PCNT: variants seen among roughly 807,000 people sequenced by gnomAD.
PCNT encodes the protein kendrin.
Under a neutral mutation model 380.4 loss-of-function variants are expected in PCNT, and 319 were observed. That is an observed-to-expected ratio of 0.84 (90% CI 0.77 to 0.92). PCNT has a LOEUF of 0.92. Among genes scored for constraint, PCNT ranks in the 40% least tolerant of loss-of-function variants. The probability of loss-of-function intolerance (pLI) is 0.00; values close to 1 mark genes in which losing one functional copy is unlikely to be tolerated. For missense variants in PCNT, 4,400 were observed against 4,255.3 expected, an observed-to-expected ratio of 1.03 and a Z score of -0.95; for synonymous variants, 1,845 against 1,735.2, an observed-to-expected ratio of 1.06 and a Z score of -1.57.
intron 7 of PCNT, among the ~76,000 whole-genome samples, 171 bp from the exon 8 acceptor site, chr21:46,349,513 A>G (rs2084191609): frequency 6.6e-6 from 1 of 152,144 alleles, no homozygotes; most frequent in South Asian, 2.1e-4. Flanking sequence ...TGGCATGGGT[A>G]GGCGATGTCC....
rs758845841 is a variant in PCNT, at chr21:46,326,555, C to A, written c.233C>A (p.Thr78Asn). 2.3e-5 allele frequency: 37 copies of A among 1,614,098 alleles called. No homozygotes were observed. The Middle Eastern group carries it at 1.2e-3, about 50-fold the overall frequency. ...DICKSTSCDD[T>N]PDGAGGAFAA... ...TGCAAAAGCACATCATGTGACGACA[C>A]CCCTGATGGGGCAGGAGGGGCCTTT... The change falls in exon 2 of 47, where the codon ACC (threonine) becomes AAC (asparagine). Residue 78 changes from threonine to asparagine, a missense_variant. Physicochemically the swap from Thr to Asn is moderately conservative, Grantham distance 65. Transcript: ENST00000359568.
intron 46 of PCNT, among the ~76,000 whole-genome samples, chr21:46,445,048 G>A (rs888845133): frequency 4.7e-5 from 7 of 148,252 alleles, no homozygotes; most frequent in Non-Finnish European, 9.1e-5. Flanking sequence ...CTTAATCACC[G>A]TCTGGACTTT....
intron 21 of PCNT, among the ~76,000 whole-genome samples, chr21:46,395,336 G>A (rs2268523): frequency 6.6e-6 from 1 of 152,122 alleles, no homozygotes; most frequent in Admixed American, 6.5e-5. Flanking sequence ...GTAGCTCACA[G>A]CTGTAATCCC....
In PCNT at chr21:46,397,278, A is replaced by AGT; in HGVS notation, c.4232_4233dup (p.Glu1412TrpfsTer4). On this transcript the variant is annotated frameshift_variant, in exon 22 of 47. Coordinates refer to ENST00000359568, the MANE Select transcript of PCNT (RefSeq NM_006031.6). LOFTEE classifies it high-confidence loss of function. ...TTGCATCCTTAGCTCTCCGGAAGGAAGTGGAGGATCTGACCAAAGAACAGT... is the reference window on the plus strand; with the variant it reads ...TTGCATCCTTAGCTCTCCGGAAGGAAGTGTGGAGGATCTGACCAAAGAACAGT... 6.2e-7 allele frequency: 1 copy of AGT among 1,613,926 alleles called. No individual in the cohort carries two copies. Among genetic ancestry groups the AGT allele is most frequent in the Non-Finnish European group, 8.5e-7 (1 of 1,179,854 alleles).
chr21:46,416,593 C>G lies in PCNT; in HGVS notation c.6675C>G (p.Ser2225Arg). 1.2e-6 allele frequency: 2 copies of G among 1,605,888 alleles called. No homozygotes were observed. The highest frequency in any genetic ancestry group is 1.7e-5 in the Admixed American group (1 of 59,530). ...PVGMLDLSSW[S>R]SPEVLRKDWT... ...GGATGCTGGACCTGTCTTCCTGGAG[C>G]TCCCCTGAGGTCCTCAGGAAGGACT... The change falls in exon 30 of 47, where the codon AGC (serine) becomes AGG (arginine). Residue 2225 changes from serine (S) to arginine (R), a missense_variant. Transcript: ENST00000359568.
intron 16 of PCNT, among the ~76,000 whole-genome samples, chr21:46,383,350 T>G (rs1282345575): frequency 7.0e-6 from 1 of 142,050 alleles, no homozygotes; most frequent in Non-Finnish European, 1.5e-5. Flanking sequence ...ACGGTGTGCA[T>G]TCAGTGGCGG....
At chr21:46,365,788 AGGGTTCTATTCACTGCCATG>A (rs1413283706) in intron 14 of PCNT, among the ~76,000 whole-genome samples, 2 of 98,482 alleles carry the variant, frequency 2.0e-5, no homozygotes, top group Non-Finnish European at 2.0e-5. Flanking sequence ...TCACTCCCAT[AGGGTTCTATTCACTGCCATG>A]GGGTTCTATT....
intron 42 of PCNT, 83 bp downstream of exon 42, chr21:46,440,285 C>T: frequency 6.8e-7 from 1 of 1,464,496 alleles, no homozygotes. Flanking sequence ...ATTTTTGTGA[C>T]CACAAGGTTC....
rs587784317 is a variant in PCNT, at chr21:46,418,200, A to T, written c.6922-4A>T. ...TTTATGACCATTTAAAAATCTCTTA[A>T]CAGGAGAAAGATGTCGAAGATTTTA... On this transcript the variant is annotated splice_region_variant and splice_polypyrimidine_tract_variant and intron_variant, in intron 30 of 46. Coordinates refer to ENST00000359568, the MANE Select transcript of PCNT (RefSeq NM_006031.6). 6.5e-7 allele frequency: 1 copy of T among 1,539,034 alleles called. No homozygotes were observed. Among genetic ancestry groups the T allele is most frequent in the Non-Finnish European group, 8.9e-7 (1 of 1,122,972 alleles).
rs772210169 is a variant in PCNT, at chr21:46,416,850, G to C, written c.6921+11G>C. 1.7e-5 allele frequency: 27 copies of C among 1,596,856 alleles called. No individual in the cohort carries two copies. In the East Asian group the frequency reaches 5.8e-4, roughly 34 times the overall value. ...CAGAGGACGGCTGTGGTAGGTGCCTGCTCTGCTCCCAGGCCTGCTGTTCCC... is the reference window on the plus strand; with the variant it reads ...CAGAGGACGGCTGTGGTAGGTGCCTCCTCTGCTCCCAGGCCTGCTGTTCCC... On this transcript the variant is annotated intron_variant, in intron 30 of 46. Transcript: ENST00000359568.
chr21:46,383,503 A>G (rs1440689053), intron 16 of PCNT, among the ~76,000 whole-genome samples: 1 of 143,086 alleles, frequency 7.0e-6, no homozygotes, highest in Non-Finnish European at 1.5e-5. Context: ...GCGGAAGCGC[A>G]TTCACCATGT....
At chr21:46,413,840 A>G (rs939803620) in intron 29 of PCNT, among the ~76,000 whole-genome samples, 6 of 152,210 alleles carry the variant, frequency 3.9e-5, no homozygotes, top group African/African-American at 1.4e-4. Flanking sequence ...AAATTGTAGC[A>G]GGGTGGAGAT....
rs1342879736 is a variant in PCNT, at chr21:46,416,053, T to A, written c.6151-16T>A. On this transcript the variant is annotated splice_polypyrimidine_tract_variant and intron_variant, in intron 29 of 46. Coordinates refer to ENST00000359568, the MANE Select transcript of PCNT (RefSeq NM_006031.6). ...GCCAGGTATTCCACCGTGCACCTGT[T>A]CTGTTTCACCTGCAGGGTAAAGAAA... 1 of 1,613,746 alleles carries A rather than the reference T, an allele frequency of 6.2e-7. No individual in the cohort carries two copies. The highest frequency in any genetic ancestry group is 2.2e-5 in the East Asian group (1 of 44,880).
chr21:46,358,305 T>A (rs2084553847), intron 13 of PCNT, among the ~76,000 whole-genome samples: 1 of 152,262 alleles, frequency 6.6e-6, no homozygotes, highest in Non-Finnish European at 1.5e-5. Context: ...ATTTGTGTCC[T>A]GCTTCTCCCA....
At chr21:46,435,262 T>C (rs1474253358) in intron 38 of PCNT, among the ~76,000 whole-genome samples, 1 of 152,052 alleles carries the variant, frequency 6.6e-6, no homozygotes, top group African/African-American at 2.4e-5. Context: ...AGTCTCACTC[T>C]GTCGCCAGGC....
Position 46,388,924 on chromosome 21 carries a change from A to G in PCNT, c.3607+40A>G. On this transcript the variant is annotated intron_variant, in intron 18 of 46. Coordinates refer to ENST00000359568, the MANE Select transcript of PCNT (RefSeq NM_006031.6). The surrounding 1 kb of genome is among the most constrained non-coding windows in gnomAD (Gnocchi z 4.2). ...ACCAGCTGCCCAGCCCTGTGCTTGC[A>G]GCCCCTCTGTGGTCCTGGAGCTCTC... 2 of 1,559,112 alleles carry G rather than the reference A, an allele frequency of 1.3e-6. No homozygotes were observed. The highest frequency in any genetic ancestry group is 1.7e-6 in the Non-Finnish European group (2 of 1,158,572).
At chr21:46,436,549 C>CAT (rs750505677) in intron 39 of PCNT, among the ~76,000 whole-genome samples, 8 of 145,124 alleles carry the variant, frequency 5.5e-5, no homozygotes, top group Non-Finnish European at 8.9e-5. Flanking sequence ...CGTGATATTT[C>CAT]ATATGGGCAG....
intron 41 of PCNT, among the ~76,000 whole-genome samples, chr21:46,439,373 A>G (rs1305932717): frequency 1.3e-5 from 2 of 151,938 alleles, no homozygotes; most frequent in Non-Finnish European, 2.9e-5. Flanking sequence ...GCCTTGCTGC[A>G]TCTCCCAGGC....
Position 46,432,079 on chromosome 21 carries a change from AG to A in PCNT, c.8617del (p.Ala2873GlnfsTer3). 6.2e-7 allele frequency: 1 copy of A among 1,614,114 alleles called. No homozygotes were observed. ...GAGAGGGAGAAACCAGCGTGGTTGC[AG>A]GCAGAATTAGAGCAGTCACACCCAC... ...EREREKPAWL[Q>X]AELEQSHPRL... is the part of the protein sequence containing the mutation. On this transcript the variant is annotated frameshift_variant, in exon 38 of 47. Coordinates refer to ENST00000359568, the MANE Select transcript of PCNT (RefSeq NM_006031.6). LOFTEE classifies it high-confidence loss of function.
Sources: gnomAD v4.1 joint callset for allele counts (sites outside exome capture counted in the v4.1 genomes callset) on GRCh38, gnomAD v4.1.1 for gene constraint, Gnocchi (gnomAD v3.1) non-coding constraint, MANE v1.5 for transcripts, NCBI Gene and HGNC (gene_info 2026-07-23, HGNC 2026-07-21) for gene names.